Variants in CAPN8 observed in about 807,000 individuals in gnomAD.
The protein encoded by CAPN8 is calpain 8.
CAPN8 carries 87 observed loss-of-function variants against 80.9 expected under a neutral mutation model. The ratio of observed to expected loss-of-function variants is 1.07; its 90% CI spans 0.90 to 1.28. The LOEUF is 1.28. Ranked by LOEUF, CAPN8 falls within the 50% of genes most tolerant of loss-of-function variation. The probability of loss-of-function intolerance (pLI) is 0.00; values close to 1 mark genes in which losing one functional copy is unlikely to be tolerated. For missense variants in CAPN8, 757 were observed against 702.0 expected, an observed-to-expected ratio of 1.08 and a Z score of -0.89; for synonymous variants, 299 against 273.8, an observed-to-expected ratio of 1.09 and a Z score of -0.91.
chr1:223,644,007 TA>T (rs1426485944), intron 2 of CAPN8: 1 of 193,390 alleles, frequency 5.2e-6, no homozygotes, highest in Non-Finnish European at 1.1e-5. Flanking sequence ...TGTAATAACA[TA>T]AGGGTAATCA....
intron 6 of CAPN8, among the ~76,000 whole-genome samples, chr1:223,623,761 C>T (rs1040014968): frequency 3.9e-5 from 6 of 152,052 alleles, no homozygotes; most frequent in African/African-American, 7.2e-5. Context: ...TTTGGGAGGC[C>T]GAGGTGGGCA....
intron 1 of CAPN8, among the ~76,000 whole-genome samples, chr1:223,655,681 A>C (rs573368593): frequency 1.5e-4 from 23 of 152,316 alleles, no homozygotes; most frequent in African/African-American, 5.1e-4. Flanking sequence ...GAGAAAAATG[A>C]GAAGGGCCCA....
intron 3 of CAPN8, 24 bp downstream of exon 3, chr1:223,628,638 A>G (rs1455536789): frequency 3.7e-5 from 57 of 1,529,474 alleles, no homozygotes; most frequent in Non-Finnish European, 4.9e-5. Flanking sequence ...AACAGCAACA[A>G]AGGGCCAGAG....
chr1:223,550,832 C>T (rs1656765401), intron 15 of CAPN8, 128 bp downstream of exon 15: 4 of 597,690 alleles, frequency 6.7e-6, no homozygotes, highest in Non-Finnish European at 1.2e-5. Flanking sequence ...AATCAGGGCT[C>T]CTGGGGTCAG....
At chr1:223,609,746 C>A (rs1443034987) in intron 11 of CAPN8, among the ~76,000 whole-genome samples, 1 of 152,196 alleles carries the variant, frequency 6.6e-6, no homozygotes, top group African/African-American at 2.4e-5. Context: ...CTTCCCAGTA[C>A]AGGCCCAAGG....
Position 223,628,680 on chromosome 1 carries a change from C to T in CAPN8, c.408G>A (p.Ala136=), listed in dbSNP as rs1015134423. 30 of 1,551,352 alleles carry T rather than the reference C, an allele frequency of 1.9e-5. No individual in the cohort carries two copies. The highest frequency in any genetic ancestry group is 2.3e-5 in the Non-Finnish European group (26 of 1,146,772). ...ACAGTACCTGAAAGTGAAAGATTCC[C>T]GCATAGTTCTCCTGGAAGTCCTGGT... ...PRDQDFQENY[A]GIFHFQFWQY... is the part of the protein sequence containing the mutation. The change falls in exon 3 of 21, where the codon GCG becomes GCA. Residue 136 remains alanine, a synonymous_variant. Coordinates refer to ENST00000366872, the MANE Select transcript of CAPN8 (RefSeq NM_001143962.2).
intron 2 of CAPN8, among the ~76,000 whole-genome samples, chr1:223,643,871 C>T (rs1336850233): frequency 6.6e-6 from 1 of 152,134 alleles, no homozygotes; most frequent in South Asian, 2.1e-4. Flanking sequence ...ACCTGCTTGC[C>T]GATCTAGTCT....
chr1:223,551,948 A>G (rs1451833077), intron 14 of CAPN8, among the ~76,000 whole-genome samples: 1 of 152,200 alleles, frequency 6.6e-6, no homozygotes, highest in Non-Finnish European at 1.5e-5. Context: ...AGAGAATAGC[A>G]TATTCTGTGT....
At chr1:223,621,284 G>C (rs78390146) in intron 7 of CAPN8, among the ~76,000 whole-genome samples, 2,497 of 149,146 alleles carry the variant, frequency 0.017, 64 homozygotes, top group African/African-American at 0.058. Context: ...CTAATCCCTG[G>C]GCTGAGCTTA....
At chr1:223,556,724 A>G (rs1470863521) in intron 13 of CAPN8, among the ~76,000 whole-genome samples, 1 of 152,206 alleles carries the variant, frequency 6.6e-6, no homozygotes, top group East Asian at 1.9e-4. Flanking sequence ...GCTTAGGATC[A>G]GTATAAGTTG....
At chr1:223,651,590 G>A (rs1658342529) in intron 2 of CAPN8, among the ~76,000 whole-genome samples, 1 of 152,210 alleles carries the variant, frequency 6.6e-6, no homozygotes, top group Non-Finnish European at 1.5e-5. Flanking sequence ...GACAGAAGCA[G>A]CCAGACTTTG....
intron 2 of CAPN8, among the ~76,000 whole-genome samples, chr1:223,633,752 C>T (rs1473098557): frequency 6.6e-6 from 1 of 152,182 alleles, no homozygotes; most frequent in African/African-American, 2.4e-5. Context: ...CAAAAATTCC[C>T]TTTACACATT....
At chr1:223,551,958 T>C (rs539282582) in intron 14 of CAPN8, among the ~76,000 whole-genome samples, 1 of 152,306 alleles carries the variant, frequency 6.6e-6, no homozygotes, top group East Asian at 1.9e-4. Flanking sequence ...ATATTCTGTG[T>C]GCATCTGGGA....
At chr1:223,636,979 G>A (rs1657909087) in intron 2 of CAPN8, among the ~76,000 whole-genome samples, 2 of 152,060 alleles carry the variant, frequency 1.3e-5, no homozygotes, top group African/African-American at 2.4e-5. Flanking sequence ...TCAAATTTTG[G>A]CATTCAAAGG....
chr1:223,643,954 A>C (rs1307263918), intron 2 of CAPN8, among the ~76,000 whole-genome samples: 1 of 152,190 alleles, frequency 6.6e-6, no homozygotes, highest in Non-Finnish European at 1.5e-5. Context: ...TTTTAAAAAA[A>C]ATTTTTTTAA....
chr1:223,616,960 G>C (rs1202446011), intron 9 of CAPN8: 1 of 152,150 alleles, frequency 6.6e-6, no homozygotes, highest in Admixed American at 6.5e-5. Flanking sequence ...CACAAGCCAA[G>C]GCACGGAGAG....
chr1:223,626,290 C>T (rs1657575426), intron 5 of CAPN8, among the ~76,000 whole-genome samples: 2 of 152,090 alleles, frequency 1.3e-5, no homozygotes, highest in African/African-American at 4.8e-5. Flanking sequence ...TCCTCAGCAC[C>T]CCCTCTCCCA....
chr1:223,640,319 C>A (rs1234227012), intron 2 of CAPN8, among the ~76,000 whole-genome samples: 1 of 152,208 alleles, frequency 6.6e-6, no homozygotes, highest in Non-Finnish European at 1.5e-5. Context: ...CCCCAACATA[C>A]AATTAACCCA....
chr1:223,628,882 T>G, intron 2 of CAPN8, 102 bp from the exon 3 acceptor site: 8 of 824,092 alleles, frequency 9.7e-6, no homozygotes, highest in Non-Finnish European at 1.5e-5. Flanking sequence ...CGTTGCCACA[T>G]TCCCTTCTGA....
Sources: allele counts gnomAD v4.1 joint callset (sites outside exome capture counted in the v4.1 genomes callset), GRCh38; gene constraint gnomAD v4.1.1; transcripts MANE v1.5; gene names NCBI Gene and HGNC (gene_info 2026-07-23, HGNC 2026-07-21).